The following SHC4 variants were observed in gnomAD, a reference collection of about 807,000 sequenced individuals.
The protein encoded by SHC4 is SHC-transforming protein 4.
SHC4 carries 41 observed loss-of-function variants against 69.4 expected under a neutral mutation model. The ratio of observed to expected loss-of-function variants is 0.59; its 90% CI spans 0.46 to 0.77. The LOEUF is 0.77. Among genes scored for constraint, SHC4 ranks in the 30% least tolerant of loss-of-function variants. SHC4 has a pLI of 0.00. For missense variants in SHC4, 777 were observed against 783.8 expected (o/e 0.99, Z 0.10); for synonymous variants, 318 against 299.3 (o/e 1.06, Z -0.64).
chr15:48,931,328 T>C (rs1354001672), intron 1 of SHC4, among the ~76,000 whole-genome samples: 2 of 152,212 alleles, frequency 1.3e-5, no homozygotes, highest in African/African-American at 4.8e-5. Flanking sequence ...TACTGCCTCA[T>C]GCTCATGCCA....
chr15:48,930,645 A>G (rs1900947733), intron 1 of SHC4, among the ~76,000 whole-genome samples: 1 of 152,216 alleles, frequency 6.6e-6, no homozygotes, highest in Admixed American at 6.5e-5. Flanking sequence ...TGTAAATAAA[A>G]AATAAATAAT....
At chr15:48,858,003 T>C (rs1899363620) in intron 6 of SHC4, among the ~76,000 whole-genome samples, 188 bp from the exon 7 acceptor site, 1 of 152,124 alleles carries the variant, frequency 6.6e-6, no homozygotes, top group Non-Finnish European at 1.5e-5. Context: ...AGAAGAAAGA[T>C]TCAAATTTTA....
At chr15:48,915,824 C>G (rs1399772366) in intron 2 of SHC4, among the ~76,000 whole-genome samples, 1 of 152,158 alleles carries the variant, frequency 6.6e-6, no homozygotes, top group East Asian at 1.9e-4. Flanking sequence ...CTTTAAAACT[C>G]CTGATTTTTT....
intron 10 of SHC4, among the ~76,000 whole-genome samples, chr15:48,838,647 G>C (rs575846385): frequency 6.6e-6 from 1 of 152,086 alleles, no homozygotes; most frequent in Non-Finnish European, 1.5e-5. Flanking sequence ...TGTTACAAAG[G>C]CATAGCAATT....
At chr15:48,908,658 A>G (rs1900453768) in intron 2 of SHC4, among the ~76,000 whole-genome samples, 1 of 152,134 alleles carries the variant, frequency 6.6e-6, no homozygotes, top group African/African-American at 2.4e-5. Context: ...TTCCAATGTT[A>G]TCTTCTAGAA....
chr15:48,941,955 T>C (rs1901182934), intron 1 of SHC4, among the ~76,000 whole-genome samples: 1 of 152,170 alleles, frequency 6.6e-6, no homozygotes, highest in Non-Finnish European at 1.5e-5. Context: ...TGCCCACGTG[T>C]ACATATTATT....
At chr15:48,881,576 G>C (rs1032725810) in intron 4 of SHC4, among the ~76,000 whole-genome samples, 1 of 152,110 alleles carries the variant, frequency 6.6e-6, no homozygotes, top group Non-Finnish European at 1.5e-5. Context: ...TCTCCTTGTA[G>C]AGACTAAAGG....
intron 2 of SHC4, among the ~76,000 whole-genome samples, chr15:48,894,117 C>G (rs560750923): frequency 1.3e-5 from 2 of 152,050 alleles, no homozygotes; most frequent in African/African-American, 4.8e-5. Context: ...TATTGCCACT[C>G]GGACTATAGA....
intron 1 of SHC4, among the ~76,000 whole-genome samples, chr15:48,949,891 C>T (rs1421258473): frequency 7.1e-6 from 1 of 141,400 alleles, no homozygotes; most frequent in Non-Finnish European, 1.5e-5. Context: ...TGTATGTATA[C>T]AAGTTATAAA....
intron 1 of SHC4, 138 bp downstream of exon 1, chr15:48,962,293 C>G (rs957858792): frequency 2.0e-5 from 17 of 871,398 alleles, no homozygotes; most frequent in South Asian, 4.4e-5. Context: ...ACCCAGCTCC[C>G]CTCCGCCTTG....
At chr15:48,955,686 C>A (rs1026491791) in intron 1 of SHC4, among the ~76,000 whole-genome samples, 1 of 152,162 alleles carries the variant, frequency 6.6e-6, no homozygotes, top group Non-Finnish European at 1.5e-5. Flanking sequence ...CTTCTCACTG[C>A]TATTTTAAGA....
rs148477603 is a variant in SHC4, at chr15:48,933,479, T to C, written c.586-8530A>G. Among the ~76,000 whole-genome samples, 655 of 152,270 alleles carry C rather than the reference T, an allele frequency of 4.3e-3. 4 individuals carry two copies. The highest frequency in any genetic ancestry group is 7.2e-3 in the Non-Finnish European group (489 of 68,004). On this transcript the variant is annotated intron_variant, in intron 1 of 11. Coordinates refer to ENST00000332408, the MANE Select transcript of SHC4 (RefSeq NM_203349.4). ...GTTCATGGATCAGAAAACTTAATAA[T>C]GTTAAGATAGTAATACTCCCAAAAG...
At chr15:48,914,834 A>G (rs375592555) in intron 2 of SHC4, among the ~76,000 whole-genome samples, 1 of 152,204 alleles carries the variant, frequency 6.6e-6, no homozygotes, top group East Asian at 1.9e-4. Context: ...TTGTTGTGCA[A>G]CTATCACCGC....
chr15:48,948,164 A>G (rs574180797), intron 1 of SHC4: 54 of 152,308 alleles, frequency 3.5e-4, no homozygotes, highest in African/African-American at 1.2e-3. Flanking sequence ...CACTCTCTAT[A>G]TATCATTTTC....
At chr15:48,863,430 G>A (rs1899487887) in intron 6 of SHC4, among the ~76,000 whole-genome samples, 1 of 151,990 alleles carries the variant, frequency 6.6e-6, no homozygotes, top group South Asian at 2.1e-4. Context: ...TTTAATTGCT[G>A]CATCATAGTA....
chr15:48,904,390 A>G (rs1299029520), intron 2 of SHC4, among the ~76,000 whole-genome samples: 1 of 152,200 alleles, frequency 6.6e-6, no homozygotes, highest in Non-Finnish European at 1.5e-5. Flanking sequence ...GCTATAAATT[A>G]ATAATAAACT....
chr15:48,890,089 T>C (rs1490602781), intron 3 of SHC4, among the ~76,000 whole-genome samples: 1 of 152,214 alleles, frequency 6.6e-6, no homozygotes, highest in Non-Finnish European at 1.5e-5. Context: ...CTTACATAAC[T>C]CTATAAAGTA....
At chr15:48,843,307 T>G (rs1431255945) in intron 10 of SHC4, 102 bp downstream of exon 10, 29 of 1,179,294 alleles carry the variant, frequency 2.5e-5, no homozygotes, top group Non-Finnish European at 3.3e-5. Context: ...ACTTTGATTT[T>G]GGACTTCTGG....
At chr15:48,896,239 CCT>C (rs1212632278) in intron 2 of SHC4, among the ~76,000 whole-genome samples, 3 of 136,824 alleles carry the variant, frequency 2.2e-5, no homozygotes, top group African/African-American at 8.1e-5. Flanking sequence ...TCCCTCCCTC[CCT>C]CTCTCTTTCT....
Sources: gnomAD v4.1 joint callset for allele counts (sites outside exome capture counted in the v4.1 genomes callset) on GRCh38, gnomAD v4.1.1 for gene constraint, MANE v1.5 for transcripts, NCBI Gene and HGNC (gene_info 2026-07-23, HGNC 2026-07-21) for gene names.